SORCS1: variants seen among roughly 807,000 people sequenced by gnomAD.
SORCS1 encodes VPS10 domain-containing receptor SorCS1.
SORCS1 carries 60 observed loss-of-function variants against 146.1 expected under a neutral mutation model. That is an observed-to-expected ratio of 0.41 (90% CI 0.33 to 0.51). The LOEUF is 0.51. SORCS1 is among the 20% of genes least tolerant of loss of function. The pLI is 0.21. For missense variants in SORCS1, 1,352 were observed against 1,487.6 expected (o/e 0.91, Z 1.50); for synonymous variants, 637 against 584.0 (o/e 1.09, Z -1.31).
rs150967356 is a variant in SORCS1 at position 106,652,425 on chromosome 10, G to A, written c.2432C>T (p.Ala811Val). ...RIVTADGKLTAEQGHNVTLMV... is the reference protein window; with the variant it reads ...RIVTADGKLTVEQGHNVTLMV... ...GAGAGTGACGTTGTGTCCTTGTTCC[G>A]CTGTCAGCTTTCCATCAGCCGTGAC... The change falls in exon 18 of 26, where the codon GCG (alanine) becomes GTG (valine). Residue 811 changes from alanine to valine, a missense_variant. Physicochemically the swap from Ala to Val is moderately conservative, Grantham distance 64. This residue lies in a region of SORCS1 where 648 missense variants were observed against 793.8 expected (regional missense o/e 0.82). Transcript: ENST00000263054. 2.7e-5 allele frequency: 44 copies of A among 1,613,858 alleles called. No individual in the cohort carries two copies. Among genetic ancestry groups the A allele is most frequent in the South Asian group, 4.4e-5 (4 of 91,080 alleles).
chr10:106,989,476 G>A (rs1031426293), intron 1 of SORCS1, among the ~76,000 whole-genome samples: 1 of 151,544 alleles, frequency 6.6e-6, no homozygotes, highest in Non-Finnish European at 1.5e-5. Context: ...ATTCAGCAGG[G>A]CACTTTTGAC....
chr10:106,595,053 G>A (rs1213838626), intron 24 of SORCS1, among the ~76,000 whole-genome samples: 1 of 152,154 alleles, frequency 6.6e-6, no homozygotes, highest in Non-Finnish European at 1.5e-5. Flanking sequence ...AACTAGTCAT[G>A]TGTGACTCTG....
chr10:106,814,267 C>A (rs1589454671), intron 3 of SORCS1, among the ~76,000 whole-genome samples: 1 of 152,308 alleles, frequency 6.6e-6, no homozygotes, highest in Admixed American at 6.5e-5. Context: ...TTTACATTTT[C>A]TCTGTGCTTT....
the SORCS1 span, among the ~76,000 whole-genome samples, chr10:107,174,011 G>A: frequency 6.6e-6 from 1 of 152,114 alleles, no homozygotes; most frequent in African/African-American, 2.4e-5. Flanking sequence ...GAATCTCATT[G>A]TCAACTTCTA....
chr10:106,763,154 T>C (rs200366870), intron 4 of SORCS1, among the ~76,000 whole-genome samples: 1 of 152,180 alleles, frequency 6.6e-6, no homozygotes, highest in East Asian at 1.9e-4. Context: ...AATAATAATA[T>C]GTCTGGGTAA....
intron 1 of SORCS1, among the ~76,000 whole-genome samples, chr10:107,096,657 A>T: frequency 6.6e-6 from 1 of 152,002 alleles, no homozygotes; most frequent in Non-Finnish European, 1.5e-5. Flanking sequence ...GACCATAGAC[A>T]CCCGCCACCA....
chr10:106,789,037 G>A (rs1946192121), intron 3 of SORCS1, among the ~76,000 whole-genome samples: 1 of 152,104 alleles, frequency 6.6e-6, no homozygotes, highest in Non-Finnish European at 1.5e-5. Context: ...GCACATGCAG[G>A]CCCAATACCA....
chr10:107,025,742 C>T (rs745688184), intron 1 of SORCS1, among the ~76,000 whole-genome samples: 6 of 152,272 alleles, frequency 3.9e-5, no homozygotes, highest in South Asian at 4.1e-4. Context: ...TGATGTCAGG[C>T]TGGGGAGCTG....
chr10:107,139,620 T>C (rs180920247), intron 1 of SORCS1, among the ~76,000 whole-genome samples: 25 of 152,274 alleles, frequency 1.6e-4, no homozygotes, highest in Admixed American at 1.2e-3. Flanking sequence ...TCAGTAGAGA[T>C]TGGTGAAGCC....
At chr10:106,910,241 G>T (rs913231119) in intron 2 of SORCS1, among the ~76,000 whole-genome samples, 11 of 151,624 alleles carry the variant, frequency 7.3e-5, no homozygotes, top group Non-Finnish European at 1.6e-4. Flanking sequence ...TGTGAAATTT[G>T]GGATAATCTA....
intron 23 of SORCS1, among the ~76,000 whole-genome samples, chr10:106,603,399 C>A (rs556267167): frequency 1.1e-3 from 169 of 152,282 alleles, no homozygotes; most frequent in Non-Finnish European, 2.1e-3. Context: ...TAACCCAGCC[C>A]GCCTCATCCT....
At chr10:106,773,875 G>A (rs978196272) in intron 4 of SORCS1, among the ~76,000 whole-genome samples, 3 of 152,084 alleles carry the variant, frequency 2.0e-5, no homozygotes, top group Non-Finnish European at 4.4e-5. Flanking sequence ...CCTGAACCCT[G>A]GAGGCAGAGA....
chr10:107,019,874 A>G (rs1169890928), intron 1 of SORCS1, among the ~76,000 whole-genome samples: 1 of 152,266 alleles, frequency 6.6e-6, no homozygotes, highest in East Asian at 1.9e-4. Flanking sequence ...TTGGATAGAC[A>G]AGGAAAGTAA....
chr10:106,661,393 T>C (rs1850716394), intron 17 of SORCS1, among the ~76,000 whole-genome samples: 2 of 152,252 alleles, frequency 1.3e-5, no homozygotes, highest in African/African-American at 4.8e-5. Context: ...ATGAGCCGCA[T>C]AGGTTACTAT....
intron 1 of SORCS1, among the ~76,000 whole-genome samples, chr10:107,010,436 T>TTTTTG (rs149512683): frequency 1.3e-5 from 2 of 151,594 alleles, no homozygotes; most frequent in Non-Finnish European, 2.9e-5. Context: ...ACTTTATTTT[T>TTTTTG]TTTGTTTCCG....
chr10:107,041,255 T>C (rs1589997490), intron 1 of SORCS1, among the ~76,000 whole-genome samples: 3 of 152,104 alleles, frequency 2.0e-5, no homozygotes, highest in Admixed American at 1.3e-4. Context: ...GGAGAGCACA[T>C]TGGAAACAGG....
At chr10:106,917,164 A>T (rs1952485878) in intron 2 of SORCS1, among the ~76,000 whole-genome samples, 1 of 152,144 alleles carries the variant, frequency 6.6e-6, no homozygotes, top group South Asian at 2.1e-4. Context: ...CTCCTGTATA[A>T]TCTCTCTCAG....
chr10:106,915,524 T>G (rs1952378234), intron 2 of SORCS1, among the ~76,000 whole-genome samples: 1 of 152,106 alleles, frequency 6.6e-6, no homozygotes, highest in South Asian at 2.1e-4. Context: ...CCTCCCTACC[T>G]GTGTGGTCTC....
intron 1 of SORCS1, among the ~76,000 whole-genome samples, chr10:107,024,325 C>G (rs1038821742): frequency 1.1e-4 from 16 of 152,092 alleles, no homozygotes; most frequent in African/African-American, 3.6e-4. Flanking sequence ...GTGTGCAGAT[C>G]CCATGGCAAG....
Sources: allele counts gnomAD v4.1 joint callset (sites outside exome capture counted in the v4.1 genomes callset), GRCh38; gene constraint gnomAD v4.1.1; regional missense constraint gnomAD v4.1.1; transcripts MANE v1.5; gene names NCBI Gene and HGNC (gene_info 2026-07-23, HGNC 2026-07-21).